NR5A2: variants seen among roughly 807,000 people sequenced by gnomAD.
NR5A2 encodes nuclear receptor subfamily 5 group A member 2.
Under a neutral mutation model 62.7 loss-of-function variants are expected in NR5A2, and 26 were observed. The ratio of observed to expected loss-of-function variants is 0.41; its 90% confidence interval spans 0.30 to 0.58. The LOEUF (loss-of-function observed/expected upper bound fraction) is 0.58, where lower values mean the gene tolerates loss of function less well. Among genes scored for constraint, NR5A2 ranks in the 20% least tolerant of loss-of-function variants. The pLI is 0.22. For missense variants in NR5A2, 541 were observed against 669.1 expected (o/e 0.81, Z 2.11); for synonymous variants, 246 against 241.7 (o/e 1.02, Z -0.16).
chr1:200,106,337 G>A (rs544644104), intron 5 of NR5A2, among the ~76,000 whole-genome samples: 12 of 152,188 alleles, frequency 7.9e-5, no homozygotes, highest in African/African-American at 2.6e-4. Flanking sequence ...GATTACAGGC[G>A]TGAGCCACCA....
At chr1:200,086,195 T>C (rs1473438239) in intron 5 of NR5A2, among the ~76,000 whole-genome samples, 4 of 152,348 alleles carry the variant, frequency 2.6e-5, no homozygotes, top group Admixed American at 1.3e-4. Flanking sequence ...TTGTTAAGAC[T>C]TTCTGCCTTC....
chr1:200,114,233 T>C (rs12040298), intron 6 of NR5A2, among the ~76,000 whole-genome samples: 1,999 of 106,082 alleles, frequency 0.019, 39 homozygotes, highest in African/African-American at 0.056. Context: ...TATATATATA[T>C]ACACACACAC....
At chr1:200,154,852 T>G (rs1397166315) in intron 7 of NR5A2, among the ~76,000 whole-genome samples, 2 of 152,186 alleles carry the variant, frequency 1.3e-5, no homozygotes, top group Non-Finnish European at 2.9e-5. Flanking sequence ...CCACGTCTTC[T>G]CTTCTGGCAC....
chr1:200,174,877 T>C lies in NR5A2; in HGVS notation c.*667T>C, dbSNP rs547801587. 8.1e-4 allele frequency: 124 copies of C among 152,802 alleles called. 1 individual carries two copies. The highest frequency in any genetic ancestry group is 3.4e-3 in the Middle Eastern group (1 of 294). 9.5% of individuals were successfully genotyped at this position (152,802 alleles called of 1,614,324 possible). On this transcript the variant is annotated 3_prime_UTR_variant, in exon 8 of 8. Coordinates refer to ENST00000367362, the MANE Select transcript of NR5A2 (RefSeq NM_205860.3). ...TTCTATTAATATGTTAGCTTGCCAT[T>C]TTAAATATGTTCTGAGGGTTGTTTT...
chr1:200,067,670 A>C (rs1663554786), intron 5 of NR5A2, among the ~76,000 whole-genome samples: 1 of 152,194 alleles, frequency 6.6e-6, no homozygotes, highest in Admixed American at 6.5e-5. Context: ...AGATAACTAC[A>C]GGGTGCTGGA....
At chr1:200,067,977 G>A (rs1421162209) in intron 5 of NR5A2, among the ~76,000 whole-genome samples, 1 of 152,158 alleles carries the variant, frequency 6.6e-6, no homozygotes, top group African/African-American at 2.4e-5. Flanking sequence ...ACCTTTAAAG[G>A]TATTTTTCTC....
chr1:200,118,996 G>A (rs1326791347), intron 6 of NR5A2, among the ~76,000 whole-genome samples: 1 of 152,198 alleles, frequency 6.6e-6, no homozygotes, highest in African/African-American at 2.4e-5. Flanking sequence ...GGCTAAAGCA[G>A]GTAGACAGTG....
intron 5 of NR5A2, among the ~76,000 whole-genome samples, chr1:200,081,866 CTT>C (rs1664310886): frequency 6.7e-6 from 1 of 150,340 alleles, no homozygotes; most frequent in Admixed American, 6.7e-5. Flanking sequence ...CTCCCTGACA[CTT>C]TGTATTTTTA....
At chr1:200,117,043 A>G (rs1666252379) in intron 6 of NR5A2, among the ~76,000 whole-genome samples, 1 of 152,216 alleles carries the variant, frequency 6.6e-6, no homozygotes, top group African/African-American at 2.4e-5. Context: ...ATTAAAAGCA[A>G]TTTAGGTAAA....
At chr1:200,126,912 A>C (rs1666727936) in intron 7 of NR5A2, among the ~76,000 whole-genome samples, 2 of 152,172 alleles carry the variant, frequency 1.3e-5, no homozygotes, top group Non-Finnish European at 2.9e-5. Flanking sequence ...GATGATCAGC[A>C]TTTAGGTTCT....
chr1:200,062,097 A>G (rs773353591), intron 5 of NR5A2, among the ~76,000 whole-genome samples: 1 of 152,224 alleles, frequency 6.6e-6, no homozygotes, highest in Non-Finnish European at 1.5e-5. Flanking sequence ...GAAAATTCCC[A>G]GAATAATGTT....
intron 7 of NR5A2, among the ~76,000 whole-genome samples, chr1:200,134,314 C>T (rs1667121250): frequency 6.6e-6 from 1 of 152,174 alleles, no homozygotes; most frequent in Admixed American, 6.5e-5. Flanking sequence ...CTGACTCACC[C>T]AGAGCAACTT....
At chr1:200,098,971 C>T (rs1665238585) in intron 5 of NR5A2, among the ~76,000 whole-genome samples, 1 of 152,190 alleles carries the variant, frequency 6.6e-6, no homozygotes, top group African/African-American at 2.4e-5. Flanking sequence ...GGCCAAACTT[C>T]GACTGTTGGA....
chr1:200,056,135 G>A (rs1000354507), intron 5 of NR5A2, among the ~76,000 whole-genome samples: 4 of 152,248 alleles, frequency 2.6e-5, no homozygotes, highest in African/African-American at 7.2e-5. Flanking sequence ...GCTTACATAC[G>A]TATATTGCAT....
At chr1:200,036,046 G>A (rs1414264842) in intron 1 of NR5A2, among the ~76,000 whole-genome samples, 3 of 152,192 alleles carry the variant, frequency 2.0e-5, no homozygotes, top group Non-Finnish European at 4.4e-5. Flanking sequence ...TACAGTGGCA[G>A]TTGCTAAGAT....
chr1:200,038,831 T>A, intron 1 of NR5A2: 1 of 1,138,752 alleles, frequency 8.8e-7, no homozygotes, highest in Non-Finnish European at 1.2e-6. Context: ...TGGGAGGGGG[T>A]GAGGCGGGGT....
chr1:200,107,762 C>A (rs1665757193), intron 5 of NR5A2, among the ~76,000 whole-genome samples: 1 of 152,108 alleles, frequency 6.6e-6, no homozygotes, highest in African/African-American at 2.4e-5. Flanking sequence ...GTCTCAGCCT[C>A]CCGAGTAGCT....
chr1:200,045,705 C>T, intron 4 of NR5A2, 121 bp downstream of exon 4: 4 of 692,170 alleles, frequency 5.8e-6, no homozygotes, highest in Non-Finnish European at 9.0e-6. Flanking sequence ...ACCGACAATA[C>T]TGTAAGATCT....
At chr1:200,161,496 A>T (rs1653639717) in intron 7 of NR5A2, among the ~76,000 whole-genome samples, 1 of 152,184 alleles carries the variant, frequency 6.6e-6, no homozygotes, top group African/African-American at 2.4e-5. Flanking sequence ...GGAAAATGGA[A>T]GTGTTCTATG....
Sources: gnomAD v4.1 joint callset for allele counts (sites outside exome capture counted in the v4.1 genomes callset) on GRCh38, gnomAD v4.1.1 for gene constraint, MANE v1.5 for transcripts, NCBI Gene and HGNC (gene_info 2026-07-23, HGNC 2026-07-21) for gene names.